ZNF415: variants seen among roughly 807,000 people sequenced by gnomAD.
The protein encoded by ZNF415 is zinc finger protein 415.
ZNF415 carries 5 observed loss-of-function variants against 7.3 expected under a neutral mutation model. The ratio of observed to expected loss-of-function variants is 0.69; its 90% CI spans 0.36 to 1.44. The LOEUF (loss-of-function observed/expected upper bound fraction) is 1.44. Ranked by LOEUF, ZNF415 falls within the 40% of genes most tolerant of loss-of-function variation. The pLI is 0.04. For missense variants in ZNF415, 628 were observed against 664.8 expected (o/e 0.94, Z 0.61); for synonymous variants, 207 against 226.3 (o/e 0.91, Z 0.77).
At position 53,113,501 on chromosome 19, in the gene ZNF415, C is replaced by T. The variant is rs1362824785; in HGVS notation, c.136+2812G>A. Among the ~76,000 whole-genome samples the T allele has an allele frequency of 2.4e-4, 4 of 16,796 alleles. 1 individual carries two copies. The highest frequency in any genetic ancestry group is 4.1e-4 in the Non-Finnish European group (4 of 9,652). The allele number at this position is 16,796 out of a possible 152,430, so 11.0% of individuals were successfully genotyped here. On this transcript the variant is annotated intron_variant, in intron 3 of 3. Coordinates refer to ENST00000243643, the MANE Select transcript of ZNF415 (RefSeq NM_018355.4). ...CAGCCTGGGCGACAGAGCGAAACTC[C>T]GTCTCAAAAAAAAAAAAAAAAAAAA...
chr19:53,125,895 G>T (rs369779843), intron 1 of ZNF415, among the ~76,000 whole-genome samples: 3 of 151,762 alleles, frequency 2.0e-5, no homozygotes, highest in African/African-American at 7.3e-5. Context: ...CTAAGATCAC[G>T]CCACTGCACT....
intron 1 of ZNF415, among the ~76,000 whole-genome samples, chr19:53,129,980 G>A (rs1650955): frequency 0.38 from 58,105 of 150,984 alleles, 11,777 homozygotes; most frequent in Middle Eastern, 0.46. Flanking sequence ...CAGGAGAATC[G>A]CTTGAACCCG....
At position 53,109,185 on chromosome 19, in the gene ZNF415, A is replaced by G; in HGVS notation, c.860T>C (p.Leu287Pro). The change falls in exon 4 of 4, where the codon CTT (leucine) becomes CCT (proline). Residue 287 changes from leucine (L) to proline (P), a missense_variant. Physicochemically the swap from Leu to Pro is moderately conservative, Grantham distance 98 (BLOSUM62 -3). Coordinates refer to ENST00000243643, the MANE Select transcript of ZNF415 (RefSeq NM_018355.4). ...CDRSFSRNSCLALHRRVHTGE... is the reference protein window; with the variant it reads ...CDRSFSRNSCPALHRRVHTGE... ...AGTGTGAACTCTCCGATGTAGTGCA[A>G]GGCATGAGTTGCGACTGAAACTTCT... The G allele has an allele frequency of 6.2e-7, 1 of 1,614,108 alleles. No homozygotes were observed. Among genetic ancestry groups the G allele is most frequent in the Middle Eastern group, 1.6e-4 (1 of 6,062 alleles).
intron 2 of ZNF415, 94 bp downstream of exon 2, chr19:53,122,563 GATGCT>G: frequency 6.2e-7 from 1 of 1,605,104 alleles, no homozygotes; most frequent in Non-Finnish European, 8.5e-7. Context: ...CGTCAGGCAG[GATGCT>G]TCAGACTCAG....
At position 53,122,665 on chromosome 19, in the gene ZNF415, A is replaced by T; in HGVS notation, c.12T>A (p.Thr4=). 1 of 1,614,126 alleles carries T rather than the reference A, an allele frequency of 6.2e-7. No individual in the cohort carries two copies. The change falls in exon 2 of 4, where the codon ACT becomes ACA. Residue 4 remains threonine, a synonymous_variant. Transcript: ENST00000243643. MAF[T]QLTFRDVAIE... ...TCCACACAGAATCTTTCTTTACCTGAGTAAAAGCCATTCCTGACTCCTTTG... is the reference window on the plus strand; with the variant it reads ...TCCACACAGAATCTTTCTTTACCTGTGTAAAAGCCATTCCTGACTCCTTTG...
chr19:53,128,933 C>T (rs73935246), intron 1 of ZNF415, among the ~76,000 whole-genome samples: 21,023 of 131,824 alleles, frequency 0.16, 103 homozygotes, highest in African/African-American at 0.26. Context: ...GAGGGAGACA[C>T]AAAACACTCA....
rs766343059 is a variant in ZNF415, at chr19:53,116,419, G to A, written c.30C>T (p.Asp10=). The change falls in exon 3 of 4, where the codon GAC becomes GAT. Residue 10 remains aspartate (D), a synonymous_variant. Transcript: ENST00000243643. ...CATCTTGAGAGAATTCGATGGCCAC[G>A]TCCCTGAATGTCAACTGTCCGTAAA... MAFTQLTFR[D]VAIEFSQDEW... The A allele has an allele frequency of 2.1e-5, 34 of 1,613,924 alleles. No individual in the cohort carries two copies. The highest frequency in any genetic ancestry group is 4.5e-5 in the East Asian group (2 of 44,898).
At chr19:53,127,338 G>C (rs1319465312) in intron 1 of ZNF415, among the ~76,000 whole-genome samples, 1 of 152,120 alleles carries the variant, frequency 6.6e-6, no homozygotes, top group Admixed American at 6.5e-5. Flanking sequence ...GTTTATAGAA[G>C]CCCGGCTACG....
chr19:53,131,784 C>G (rs899190453), intron 1 of ZNF415, among the ~76,000 whole-genome samples: 1 of 152,086 alleles, frequency 6.6e-6, no homozygotes, highest in African/African-American at 2.4e-5. Context: ...ATTTCTGGCT[C>G]TTTCTTCCCC....
At chr19:53,129,425 T>C (rs1347491025) in intron 1 of ZNF415, among the ~76,000 whole-genome samples, 1 of 152,216 alleles carries the variant, frequency 6.6e-6, no homozygotes, top group Non-Finnish European at 1.5e-5. Context: ...GGTCTCTGTG[T>C]CTGAGTCCCT....
intron 2 of ZNF415, 110 bp downstream of exon 2, chr19:53,122,552 G>T: frequency 6.2e-7 from 1 of 1,601,748 alleles, no homozygotes. Flanking sequence ...GTGAGCAAAC[G>T]CGTCAGGCAG....
chr19:53,127,134 G>A (rs2089274143), intron 1 of ZNF415, among the ~76,000 whole-genome samples: 1 of 144,210 alleles, frequency 6.9e-6, no homozygotes, highest in South Asian at 2.3e-4. Context: ...CCTTACTCTG[G>A]GACCCTGATA....
Position 53,108,610 on chromosome 19 carries a change from C to T in ZNF415, c.1435G>A (p.Val479Met), listed in dbSNP as rs755194398. 8.1e-6 allele frequency: 13 copies of T among 1,614,000 alleles called. No homozygotes were observed. The highest frequency in any genetic ancestry group is 1.1e-5 in the Non-Finnish European group (13 of 1,180,032). ...TGATGGGTAGTTAGGCTTGAATGCACACTGAAGCCTTTGCCACATTGATTA... is the reference window on the plus strand; with the variant it reads ...TGATGGGTAGTTAGGCTTGAATGCATACTGAAGCCTTTGCCACATTGATTA... ...KCNQCGKGFS[V>M]HSSLTTHQVI... The change falls in exon 4 of 4, where the codon GTG becomes ATG. Residue 479 changes from valine (V) to methionine (M), a missense_variant. Transcript: ENST00000243643.
rs1395480100 is a variant in ZNF415 at position 53,109,449 on chromosome 19, C to G, written c.596G>C (p.Cys199Ser). 1 of 1,613,958 alleles carries G rather than the reference C, an allele frequency of 6.2e-7. No homozygotes were observed. The highest frequency in any genetic ancestry group is 8.5e-7 in the Non-Finnish European group (1 of 1,179,986). Residue 199 changes from cysteine (C) to serine (S), a missense_variant, in exon 4 of 4, where the codon TGT (cysteine) becomes TCT (serine). Coordinates refer to ENST00000243643, the MANE Select transcript of ZNF415 (RefSeq NM_018355.4). ...VSNKYGTDFI[C>S]SSLLTQEQKS... ...CTGTTCTTGTGTGAGTAATGAAGAA[C>G]AGATGAAATCAGTCCCATATTTATT...
At chr19:53,116,550 G>T in intron 2 of ZNF415, 117 bp from the exon 3 acceptor site, 1 of 1,339,018 alleles carries the variant, frequency 7.5e-7, no homozygotes, top group Non-Finnish European at 1.0e-6. Context: ...TGTGTGTTCT[G>T]ATAAATCCAC....
chr19:53,123,886 C>G, intron 1 of ZNF415: 1 of 259,586 alleles, frequency 3.9e-6, no homozygotes, highest in Non-Finnish European at 7.1e-6. Context: ...TCTAGGGAGT[C>G]AGGAAGTCAC....
At chr19:53,112,979 A>G (rs1007642666) in intron 3 of ZNF415, among the ~76,000 whole-genome samples, 15 of 151,962 alleles carry the variant, frequency 9.9e-5, no homozygotes, top group Non-Finnish European at 8.8e-5. Flanking sequence ...CCAGCTACTC[A>G]GGAGGCTGAG....
chr19:53,123,490 GGT>G (rs1232392762), intron 1 of ZNF415: 4 of 398,652 alleles, frequency 1.0e-5, no homozygotes, highest in Admixed American at 4.4e-5. Context: ...GGGAAGGAGG[GGT>G]GTTTGCACCT....
In ZNF415 at chr19:53,113,879, T is replaced by A. The variant is rs188701776; in HGVS notation, c.136+2434A>T. 3.9e-5 allele frequency among the ~76,000 whole-genome samples: 6 copies of A among 152,354 alleles called. 1 individual carries two copies. Among genetic ancestry groups the A allele is most frequent in the Admixed American group, 2.6e-4 (4 of 15,306 alleles). ...GTCACAGTGCCCTCCAGGTACACTT[T>A]TGTGAGGCTCCTCAAAACTAGAAGG... On this transcript the variant is annotated intron_variant, in intron 3 of 3. Transcript: ENST00000243643.
Sources: allele counts gnomAD v4.1 joint callset (sites outside exome capture counted in the v4.1 genomes callset), GRCh38; gene constraint gnomAD v4.1.1; transcripts MANE v1.5; gene names NCBI Gene and HGNC (gene_info 2026-07-23, HGNC 2026-07-21).